Variants in SEC22C observed in about 807,000 individuals in gnomAD.
The protein encoded by SEC22C is SEC22 homolog C, vesicle trafficking protein, also known as vesicle-trafficking protein SEC22c.
A neutral mutation model predicts 34.7 loss-of-function variants in SEC22C; 29 were observed. The ratio of observed to expected loss-of-function variants is 0.84; its 90% CI spans 0.62 to 1.14. The LOEUF is 1.14. Ranked by LOEUF, SEC22C falls within the 50% of genes most tolerant of loss-of-function variation. The pLI, the probability that SEC22C is intolerant of heterozygous loss-of-function variation, is 0.00. For missense variants in SEC22C, 337 were observed against 369.0 expected (o/e 0.91, Z 0.71); for synonymous variants, 117 against 132.8 (o/e 0.88, Z 0.82).
intron 1 of SEC22C, among the ~76,000 whole-genome samples, chr3:42,593,852 G>C (rs538241302): frequency 3.9e-5 from 6 of 152,326 alleles, no homozygotes; most frequent in African/African-American, 1.4e-4. Context: ...GTAAGGCATA[G>C]TGAGATAAGT....
Position 42,561,201 on chromosome 3 carries a change from G to A in SEC22C, c.442C>T (p.Gln148Ter), listed in dbSNP as rs377497622. The A allele has an allele frequency of 3.9e-5, 63 of 1,614,020 alleles. No homozygotes were observed. Among genetic ancestry groups the A allele is most frequent in the South Asian group, 2.6e-4 (24 of 91,088 alleles). The change falls in exon 4 of 7, where the codon CAG becomes TAG. Residue 148 changes from glutamine (Q) to a stop codon, truncating the protein, a stop_gained. Coordinates refer to ENST00000264454, the MANE Select transcript of SEC22C (RefSeq NM_032970.4). LOFTEE classifies it high-confidence loss of function. Reference protein sequence around the residue: ...LEKIQEELKLQPPAVLTLEDT... With the variant: ...LEKIQEELKL ...TCCAGAGTGAGAACCGCTGGAGGCT[G>A]CAACTTGAGCTCCTCCTGAATTTTT... is the stretch of plus-strand genomic sequence containing the variant.
intron 1 of SEC22C, among the ~76,000 whole-genome samples, chr3:42,574,896 G>A (rs1404738780): frequency 2.0e-5 from 3 of 152,198 alleles, no homozygotes; most frequent in African/African-American, 4.8e-5. Context: ...ATGGCTCACT[G>A]CTGCCTCAAC....
At chr3:42,555,758 G>A (rs1178643790) in intron 6 of SEC22C, among the ~76,000 whole-genome samples, 172 bp downstream of exon 6, 2 of 152,248 alleles carry the variant, frequency 1.3e-5, no homozygotes, top group Admixed American at 1.3e-4. Flanking sequence ...TAAAATGAGA[G>A]GACTGGCCAG....
Position 42,549,060 on chromosome 3 carries a change from G to T in SEC22C, c.*4188C>A. 1.0e-6 allele frequency: 1 copy of T among 992,172 alleles called. No individual in the cohort carries two copies. The highest frequency in any genetic ancestry group is 1.2e-6 in the Non-Finnish European group (1 of 829,764). The allele number at this position is 992,172 out of a possible 1,614,324, so 61.5% of individuals were successfully genotyped here. A position where few individuals can be genotyped will look rare whatever the true frequency, so the allele number is the denominator to read the frequency against. ...TAGGACTCAGTGAAGAGCCTAGCCA[G>T]CTGACGGTCAGCTGACTGGTGCACT... On this transcript the variant is annotated 3_prime_UTR_variant, in exon 7 of 7. Transcript: ENST00000264454.
chr3:42,563,490 A>G, intron 3 of SEC22C, 33 bp downstream of exon 3: 1 of 1,582,178 alleles, frequency 6.3e-7, no homozygotes. Context: ...ACACCATGGA[A>G]GAGAAAAATA....
intron 2 of SEC22C, among the ~76,000 whole-genome samples, chr3:42,568,359 G>A (rs954781522): frequency 6.6e-6 from 1 of 152,016 alleles, no homozygotes; most frequent in Non-Finnish European, 1.5e-5. Context: ...AGGTGGAGCA[G>A]CCACGGCTGG....
At chr3:42,571,121 C>T (rs1703601490) in intron 1 of SEC22C, among the ~76,000 whole-genome samples, 1 of 152,194 alleles carries the variant, frequency 6.6e-6, no homozygotes, top group African/African-American at 2.4e-5. Flanking sequence ...CTTTATGGAG[C>T]ATCTACCTTA....
rs1045834086 is a variant in SEC22C at position 42,563,861 on chromosome 3, T to A, written c.183-175A>T. ...CGACCTATTCCTGAGACTGTCTTTC[T>A]TCCGCTTCCTTTAAAATGTCTAGTA... On this transcript the variant is annotated intron_variant, in intron 2 of 6. Transcript: ENST00000264454. 7 of 1,497,320 alleles carry A rather than the reference T, an allele frequency of 4.7e-6. No homozygotes were observed. The African/African-American group carries it at 5.5e-5, about 12-fold the overall frequency. The allele number at this position is 1,497,320 out of a possible 1,614,324, so 92.8% of individuals were successfully genotyped here.
Position 42,552,962 on chromosome 3 carries a change from C to G in SEC22C, c.*286G>C. ...TAAAAGACCAAAATATTTCCTTTCT[C>G]TCTTCCAATAAAGCTCTTTCTGGAT... is the stretch of plus-strand genomic sequence containing the variant. On this transcript the variant is annotated 3_prime_UTR_variant, in exon 7 of 7. Coordinates refer to ENST00000264454, the MANE Select transcript of SEC22C (RefSeq NM_032970.4). 1.7e-6 allele frequency: 2 copies of G among 1,193,388 alleles called. No homozygotes were observed. The highest frequency in any genetic ancestry group is 2.4e-5 in the South Asian group (1 of 41,342). 73.9% of individuals were successfully genotyped at this position (1,193,388 alleles called of 1,614,324 possible).
chr3:42,571,528 G>A lies in SEC22C; in HGVS notation c.-27-2455C>T, dbSNP rs143186764. On this transcript the variant is annotated intron_variant, in intron 1 of 6. Transcript: ENST00000264454. ...GTTAAAAGATTTTATAGGCTGCCAC[G>A]GAAGAGTATAAGAATGAAGACAACA... is the stretch of plus-strand genomic sequence containing the variant. 2.2e-3 allele frequency among the ~76,000 whole-genome samples: 338 copies of A among 152,262 alleles called. 2 individuals are homozygous for A. The highest frequency in any genetic ancestry group is 7.5e-3 in the African/African-American group (312 of 41,544).
At chr3:42,569,519 T>C (rs1451223745) in intron 1 of SEC22C, among the ~76,000 whole-genome samples, 2 of 152,160 alleles carry the variant, frequency 1.3e-5, no homozygotes, top group African/African-American at 4.8e-5. Flanking sequence ...CCCATGGAGA[T>C]AGGCACTAAG....
At chr3:42,597,853 T>G (rs1013409494) in intron 1 of SEC22C, among the ~76,000 whole-genome samples, 1 of 152,236 alleles carries the variant, frequency 6.6e-6, no homozygotes, top group Non-Finnish European at 1.5e-5. Flanking sequence ...CCAAATTTAC[T>G]ATAAAACTAC....
chr3:42,576,444 A>T (rs938095282), intron 1 of SEC22C, among the ~76,000 whole-genome samples: 3 of 152,170 alleles, frequency 2.0e-5, no homozygotes, highest in African/African-American at 7.2e-5. Flanking sequence ...ATCTAAAAAA[A>T]ATTACATTTC....
At chr3:42,566,404 C>T (rs1484362255) in intron 2 of SEC22C, among the ~76,000 whole-genome samples, 1 of 152,130 alleles carries the variant, frequency 6.6e-6, no homozygotes, top group Admixed American at 6.6e-5. Context: ...AGGCCGGGTG[C>T]GGTGGCTCAC....
chr3:42,570,092 G>A (rs1407317526), intron 1 of SEC22C, among the ~76,000 whole-genome samples: 1 of 152,298 alleles, frequency 6.6e-6, no homozygotes, highest in South Asian at 2.1e-4. Context: ...TTGATAGGAT[G>A]ATAACAGGAT....
intron 6 of SEC22C, among the ~76,000 whole-genome samples, chr3:42,554,962 G>C (rs1237024767): frequency 6.7e-6 from 1 of 149,560 alleles, no homozygotes; most frequent in Non-Finnish European, 1.5e-5. Flanking sequence ...GAGTCAGAAG[G>C]TATTACTATT....
At position 42,548,973 on chromosome 3, in the gene SEC22C, T is replaced by C. The variant is rs573837829; in HGVS notation, c.*4275A>G. The C allele has an allele frequency of 1.7e-5, 19 of 1,120,764 alleles. No individual in the cohort carries two copies. The South Asian group carries it at 4.4e-4, about 26-fold the overall frequency. The allele number at this position is 1,120,764 out of a possible 1,614,324, so 69.4% of individuals were successfully genotyped here. A position where few individuals can be genotyped will look rare whatever the true frequency, so the allele number is the denominator to read the frequency against. On this transcript the variant is annotated 3_prime_UTR_variant, in exon 7 of 7. Coordinates refer to ENST00000264454, the MANE Select transcript of SEC22C (RefSeq NM_032970.4). Reference sequence around the variant, plus strand: ...CCCTGGCGGGGGGGCAGATTGATGTTATCACCATTTACCAGATGAGGAAAC... The same window carrying C: ...CCCTGGCGGGGGGGCAGATTGATGTCATCACCATTTACCAGATGAGGAAAC...
chr3:42,563,909 G>A lies in SEC22C; in HGVS notation c.183-223C>T, dbSNP rs749486897. 2.8e-6 allele frequency: 4 copies of A among 1,437,526 alleles called. No individual in the cohort carries two copies. In the South Asian group the frequency reaches 4.9e-5, roughly 17 times the overall value. 89.0% of individuals were successfully genotyped at this position (1,437,526 alleles called of 1,614,324 possible). A position where few individuals can be genotyped will look rare whatever the true frequency, so the allele number is the denominator to read the frequency against. On this transcript the variant is annotated intron_variant, in intron 2 of 6. Coordinates refer to ENST00000264454, the MANE Select transcript of SEC22C (RefSeq NM_032970.4). ...GTAGTCTTAATCAATGACAGCCTGT[G>A]ATCACTCTTATTTATTCATGCATGA...
chr3:42,587,483 C>CT (rs1299324778), intron 1 of SEC22C: 3 of 151,980 alleles, frequency 2.0e-5, no homozygotes, highest in African/African-American at 7.3e-5. Context: ...AATCCCAGCA[C>CT]TTTGGGAGGC....
Sources: allele counts gnomAD v4.1 joint callset (sites outside exome capture counted in the v4.1 genomes callset), GRCh38; gene constraint gnomAD v4.1.1; transcripts MANE v1.5; gene names NCBI Gene and HGNC (gene_info 2026-07-23, HGNC 2026-07-21).